The following MAGEB1 variants were observed in gnomAD, a reference collection of about 807,000 sequenced individuals.
MAGEB1 encodes MAGE family member B1.
For missense variants in MAGEB1, 290 were observed against 286.7 expected (o/e 1.01, Z -0.08); for synonymous variants, 99 against 105.7 (o/e 0.94, Z 0.39).
Position 30,250,308 on chromosome X carries a change from G to A in MAGEB1, c.-60-126G>A, listed in dbSNP as rs181758438. On this transcript the variant is annotated intron_variant, in intron 1 of 1. Coordinates refer to ENST00000397548, the MANE Select transcript of MAGEB1 (RefSeq NM_177404.3). Reference sequence around the variant, plus strand: ...ACCCAGTCAGCCCCAGGCAGGGTTGGCAACAAGAACCCAGTGGGTTCCTAG... The same window carrying A: ...ACCCAGTCAGCCCCAGGCAGGGTTGACAACAAGAACCCAGTGGGTTCCTAG... 275 of 428,544 alleles carry A rather than the reference G, an allele frequency of 6.4e-4. 1 individual carries two copies. The highest frequency in any genetic ancestry group is 1.1e-3 in the Admixed American group (25 of 21,906). The allele number at this position is 428,544 out of a possible 1,213,427, so 35.3% of individuals were successfully genotyped here. A position where few individuals can be genotyped will look rare whatever the true frequency, so the allele number is the denominator to read the frequency against.
rs983590528 is a variant in MAGEB1 at position 30,251,436 on chromosome X, G to T, written c.943G>T (p.Ala315Ser). 2 of 1,209,818 alleles carry T rather than the reference G, an allele frequency of 1.7e-6. No individual in the cohort carries two copies. The highest frequency in any genetic ancestry group is 3.5e-5 in the African/African-American group (2 of 57,086). ...GGCTTTGAGAGATGAGGAAGAGAGA[G>T]CCCAAGTCCGATCCAGTGTTAGAGC... Reference protein sequence around the residue: ...EEALRDEEERAQVRSSVRARR... With the variant: ...EEALRDEEERSQVRSSVRARR... Residue 315 changes from alanine to serine, a missense_variant, in exon 2 of 2, where the codon GCC (alanine) becomes TCC (serine). Coordinates refer to ENST00000397548, the MANE Select transcript of MAGEB1 (RefSeq NM_177404.3).
upstream of MAGEB1, among the ~76,000 whole-genome samples, chrX:30,245,648 A>G (rs1925281845): frequency 1.8e-5 from 2 of 112,241 alleles, no homozygotes; most frequent in African/African-American, 6.5e-5. Context: ...AGGTCTCTGT[A>G]CCCCAAACAC....
At position 30,250,540 on chromosome X, in the gene MAGEB1, G is replaced by T; in HGVS notation, c.47G>T (p.Arg16Leu). 1 of 1,204,489 alleles carries T rather than the reference G, an allele frequency of 8.3e-7. No individual in the cohort carries two copies. The highest frequency in any genetic ancestry group is 1.1e-6 in the Non-Finnish European group (1 of 892,229). ...AAGCTCCGTGCTCGTGAGAAACGCC[G>T]CAAGGCGCGAGAGGAGACCCAGGGT... is the stretch of plus-strand genomic sequence containing the variant. ...KSKLRAREKR[R>L]KAREETQGLK... Residue 16 changes from arginine (R) to leucine (L), a missense_variant, in exon 2 of 2, where the codon CGC becomes CTC. Coordinates refer to ENST00000397548, the MANE Select transcript of MAGEB1 (RefSeq NM_177404.3).
intron 1 of MAGEB1, among the ~76,000 whole-genome samples, chrX:30,248,834 G>A (rs1465607512): frequency 8.9e-6 from 1 of 111,933 alleles, no homozygotes; most frequent in Non-Finnish European, 1.9e-5. Flanking sequence ...AAAGAAACAC[G>A]GAATTCCTTC....
chrX:30,246,688 G>T (rs1265193770), upstream of MAGEB1, among the ~76,000 whole-genome samples: 2 of 112,227 alleles, frequency 1.8e-5, no homozygotes, highest in Non-Finnish European at 1.9e-5. Context: ...AATTCACCCC[G>T]TTTTGAGGCA....
At chrX:30,248,202 C>T (rs1466888201) in intron 1 of MAGEB1, among the ~76,000 whole-genome samples, 1 of 111,311 alleles carries the variant, frequency 9.0e-6, no homozygotes, top group Non-Finnish European at 1.9e-5. Context: ...CTGATGCTGT[C>T]CCTGGGAGTC....
At chrX:30,248,195 A>G (rs1273597667) in intron 1 of MAGEB1, among the ~76,000 whole-genome samples, 1 of 111,286 alleles carries the variant, frequency 9.0e-6, no homozygotes, top group African/African-American at 3.3e-5. Flanking sequence ...ATTGCGCCTG[A>G]TGCTGTCCCT....
At chrX:30,244,349 A>G (rs770562735), upstream of MAGEB1, among the ~76,000 whole-genome samples, 21 of 112,194 alleles carry the variant, frequency 1.9e-4, no homozygotes, top group Admixed American at 8.6e-4. Flanking sequence ...TTGTCCAAAT[A>G]TTAATTGAGC....
Position 30,247,271 on chromosome X carries a change from T to A in MAGEB1, c.-61+15T>A, listed in dbSNP as rs1379987111. On this transcript the variant is annotated intron_variant, in intron 1 of 1. Coordinates refer to ENST00000397548, the MANE Select transcript of MAGEB1 (RefSeq NM_177404.3). Reference sequence around the variant, plus strand: ...TAGATACTAAGGTGAGGAACCCTAGTGGGGACGTAGGGACCAGCGACACTA... The same window carrying A: ...TAGATACTAAGGTGAGGAACCCTAGAGGGGACGTAGGGACCAGCGACACTA... 1.8e-5 allele frequency: 2 copies of A among 111,096 alleles called. No homozygotes were observed. The highest frequency in any genetic ancestry group is 3.8e-5 in the Non-Finnish European group (2 of 52,838). 9.2% of individuals were successfully genotyped at this position (111,096 alleles called of 1,213,427 possible). A position where few individuals can be genotyped will look rare whatever the true frequency, so the allele number is the denominator to read the frequency against.
Position 30,250,734 on chromosome X carries a change from G to C in MAGEB1, c.241G>C (p.Glu81Gln), listed in dbSNP as rs754534422. The change falls in exon 2 of 2, where the codon GAA becomes CAA. Residue 81 changes from glutamate (E) to glutamine (Q), a missense_variant. Coordinates refer to ENST00000397548, the MANE Select transcript of MAGEB1 (RefSeq NM_177404.3). ...AAAVSCTESD[E>Q]GAKCQGEENA... ...AGCTGTGTCATGTACCGAATCTGAC[G>C]AAGGTGCCAAATGCCAAGGTGAGGA... The C allele has an allele frequency of 2.5e-6, 3 of 1,211,325 alleles. No individual in the cohort carries two copies. The South Asian group carries it at 5.3e-5, about 21-fold the overall frequency.
upstream of MAGEB1, chrX:30,243,936 A>G (rs1925225923): frequency 1.6e-5 from 2 of 124,160 alleles, no homozygotes; most frequent in African/African-American, 6.4e-5. Context: ...CCTGTTTTTC[A>G]GTGTTCTTTT....
upstream of MAGEB1, among the ~76,000 whole-genome samples, chrX:30,244,796 G>A (rs1182113349): frequency 3.6e-5 from 4 of 111,770 alleles, no homozygotes; most frequent in African/African-American, 9.8e-5. Flanking sequence ...TTTGCCTGGA[G>A]CAGGGATTGA....
At position 30,251,356 on chromosome X, in the gene MAGEB1, T is replaced by G. The variant is rs753989618; in HGVS notation, c.863T>G (p.Phe288Cys). 3 of 1,209,578 alleles carry G rather than the reference T, an allele frequency of 2.5e-6. No individual in the cohort carries two copies. Among genetic ancestry groups the G allele is most frequent in the East Asian group, 3.0e-5 (1 of 33,756 alleles). The change falls in exon 2 of 2, where the codon TTT becomes TGT. Residue 288 changes from phenylalanine (F) to cysteine (C), a missense_variant. Transcript: ENST00000397548. ...AETTKMKVLEFLAKMNGATPR... is the reference protein window; with the variant it reads ...AETTKMKVLECLAKMNGATPR... ...ACCACCAAGATGAAAGTCCTCGAGT[T>G]TTTGGCCAAGATGAATGGTGCCACT...
intron 1 of MAGEB1, among the ~76,000 whole-genome samples, chrX:30,249,033 C>G (rs1925417868): frequency 9.0e-6 from 1 of 111,264 alleles, no homozygotes; most frequent in Admixed American, 9.5e-5. Context: ...GTTCTACCCC[C>G]TCTCAGCTCT....
At chrX:30,247,364 G>A (rs1213744885) in intron 1 of MAGEB1, 108 bp downstream of exon 1, 5 of 112,694 alleles carry the variant, frequency 4.4e-5, no homozygotes, top group Admixed American at 1.9e-4. Flanking sequence ...TGCCGGATGT[G>A]GCTCATCCTC....
Position 30,250,997 on chromosome X carries a change from C to T in MAGEB1, c.504C>T (p.Asp168=), listed in dbSNP as rs2146987391. The change falls in exon 2 of 2, where the codon GAC becomes GAT. Residue 168 remains aspartate, a synonymous_variant. Coordinates refer to ENST00000397548, the MANE Select transcript of MAGEB1 (RefSeq NM_177404.3). ...TCTTTGGCCTTGATTTGAAGGAAGA[C>T]AACCCTAGTGGCCACACCTACACCC... ...ELVFGLDLKE[D]NPSGHTYTLV... 2.5e-6 allele frequency: 3 copies of T among 1,211,687 alleles called. No individual in the cohort carries two copies. Among genetic ancestry groups the T allele is most frequent in the Non-Finnish European group, 3.4e-6 (3 of 895,397 alleles).
intron 1 of MAGEB1, chrX:30,247,514 G>T (rs769974685): frequency 8.9e-6 from 1 of 112,299 alleles, no homozygotes; most frequent in East Asian, 2.8e-4. Context: ...ACCCCCACCC[G>T]TAACAAAGAG....
At position 30,251,887 on chromosome X, in the gene MAGEB1, A is replaced by G. The variant is rs1475959294; in HGVS notation, c.*350A>G. ...AATGTGTGAAAGAACCTCACACAAC[A>G]TAATTGGAGTCTTAAAATAGAGGAA... On this transcript the variant is annotated 3_prime_UTR_variant, in exon 2 of 2. Transcript: ENST00000397548. The G allele has an allele frequency of 1.1e-5, 2 of 174,691 alleles. No homozygotes were observed. The highest frequency in any genetic ancestry group is 2.3e-5 in the Non-Finnish European group (2 of 86,767). 14.4% of individuals were successfully genotyped at this position (174,691 alleles called of 1,213,427 possible). A position where few individuals can be genotyped will look rare whatever the true frequency, so the allele number is the denominator to read the frequency against.
Position 30,251,459 on chromosome X carries a change from A to G in MAGEB1, c.966A>G (p.Arg322=). ...GAGCCCAAGTCCGATCCAGTGTTAG[A>G]GCCAGGCGTCGCACTACTGCCACGA... is the stretch of plus-strand genomic sequence containing the variant. ...EERAQVRSSV[R]ARRRTTATTF... is the part of the protein sequence containing the mutation. Residue 322 remains arginine, a synonymous_variant, in exon 2 of 2, where the codon AGA becomes AGG. Coordinates refer to ENST00000397548, the MANE Select transcript of MAGEB1 (RefSeq NM_177404.3). 1 of 1,211,847 alleles carries G rather than the reference A, an allele frequency of 8.3e-7. No homozygotes were observed. Among genetic ancestry groups the G allele is most frequent in the South Asian group, 1.8e-5 (1 of 56,999 alleles).
Sources: allele counts gnomAD v4.1 joint callset (sites outside exome capture counted in the v4.1 genomes callset), GRCh38; gene constraint gnomAD v4.1.1; transcripts MANE v1.5; gene names NCBI Gene and HGNC (gene_info 2026-07-23, HGNC 2026-07-21).